Variants in TMIGD3 observed in about 807,000 individuals in gnomAD.
TMIGD3 encodes the protein transmembrane and immunoglobulin domain containing 3, also known as AD026 protein (AD026).
In TMIGD3, 21 loss-of-function variants were observed where a neutral mutation model predicts 28.1. That is an observed-to-expected ratio of 0.75 (90% CI 0.53 to 1.08). The LOEUF (loss-of-function observed/expected upper bound fraction) is 1.08. Among genes scored for constraint, TMIGD3 ranks in the 50% least tolerant of loss-of-function variants. TMIGD3 has a pLI of 0.00. For missense variants in TMIGD3, 416 were observed against 435.6 expected (o/e 0.96, Z 0.40); for synonymous variants, 151 against 162.1 (o/e 0.93, Z 0.52).
intron 1 of TMIGD3, among the ~76,000 whole-genome samples, chr1:111,497,465 A>G (rs2100972380): frequency 6.6e-6 from 1 of 152,246 alleles, no homozygotes; most frequent in East Asian, 1.9e-4. Flanking sequence ...CCTTCTAACC[A>G]AGCTCCTCAC....
intron 1 of TMIGD3, among the ~76,000 whole-genome samples, chr1:111,519,169 C>T (rs1655969606): frequency 1.3e-5 from 2 of 152,140 alleles, no homozygotes; most frequent in South Asian, 4.1e-4. Context: ...AAACTCCCGA[C>T]CTCAGGTGAT....
At chr1:111,493,034 TG>T (rs1361497157) in intron 1 of TMIGD3, among the ~76,000 whole-genome samples, 1 of 152,152 alleles carries the variant, frequency 6.6e-6, no homozygotes, top group East Asian at 1.9e-4. Flanking sequence ...ATGAAAAGTT[TG>T]TAGATGAAAT....
At chr1:111,499,787 T>C in intron 1 of TMIGD3, 1 of 1,449,678 alleles carries the variant, frequency 6.9e-7, no homozygotes, top group Non-Finnish European at 9.0e-7. Flanking sequence ...AGGAAGAGAG[T>C]AGTGGAGTGG....
intron 1 of TMIGD3, among the ~76,000 whole-genome samples, chr1:111,518,651 A>G (rs1188983538): frequency 4.6e-5 from 7 of 152,248 alleles, no homozygotes; most frequent in African/African-American, 1.7e-4. Context: ...AATCTGAACC[A>G]AGCTTTGCCT....
rs564619243 is a variant in TMIGD3, at chr1:111,490,315, G to A, written c.457+341C>T. On this transcript the variant is annotated intron_variant, in intron 2 of 5. Coordinates refer to ENST00000369716, the MANE Select transcript of TMIGD3 (RefSeq NM_020683.7). ...TATTTTATTCCAGTGGAGATGCTGG[G>A]GAAAAATATGGAATGCGTAATGAAT... The A allele has an allele frequency of 1.4e-5, 3 of 220,410 alleles. No individual in the cohort carries two copies. The East Asian group carries it at 3.2e-4, about 24-fold the overall frequency. 13.7% of individuals were successfully genotyped at this position (220,410 alleles called of 1,614,324 possible).
At chr1:111,534,427 C>A (rs1320291111) in intron 1 of TMIGD3, among the ~76,000 whole-genome samples, 1 of 152,196 alleles carries the variant, frequency 6.6e-6, no homozygotes, top group Admixed American at 6.5e-5. Flanking sequence ...TTGCTTTTGT[C>A]TATGCTGAGC....
intron 1 of TMIGD3, among the ~76,000 whole-genome samples, chr1:111,550,040 TTGAG>T (rs1657199003): frequency 6.6e-6 from 1 of 152,214 alleles, no homozygotes; most frequent in Non-Finnish European, 1.5e-5. Flanking sequence ...CTAGTCTTTC[TTGAG>T]TGAGTTTTAG....
intron 1 of TMIGD3, 38 bp from the exon 2 acceptor site, chr1:111,490,800 G>T (rs1432272728): frequency 6.7e-7 from 1 of 1,499,190 alleles, no homozygotes; most frequent in South Asian, 1.1e-5. Flanking sequence ...GCTTAATATG[G>T]CTTTATCCTG....
At chr1:111,545,844 T>C (rs1465508245) in intron 1 of TMIGD3, among the ~76,000 whole-genome samples, 4 of 152,164 alleles carry the variant, frequency 2.6e-5, no homozygotes, top group South Asian at 2.1e-4. Context: ...TATGTAGATA[T>C]TCAGTTGTCC....
rs1177757732 is a variant in TMIGD3, at chr1:111,488,807, C to G, written c.675G>C (p.Leu225=). 3.7e-6 allele frequency: 6 copies of G among 1,614,196 alleles called. No homozygotes were observed. Among genetic ancestry groups the G allele is most frequent in the Non-Finnish European group, 5.1e-6 (6 of 1,180,028 alleles). Residue 225 remains leucine (L), a synonymous_variant, in exon 3 of 6, where the codon CTG becomes CTC. Transcript: ENST00000369716. Reference sequence around the variant, plus strand: ...AGTACCAGCCCGTGTCCTCTTTGGTCAGGCAGGACATAGTGACAATGAGCT... The same window carrying G: ...AGTACCAGCCCGTGTCCTCTTTGGTGAGGCAGGACATAGTGACAATGAGCT... The part of the protein sequence containing the change: ...GNQLIVTMSC[L]TKEDTGWYWC...
At chr1:111,520,746 A>C (rs1656030040) in intron 1 of TMIGD3, among the ~76,000 whole-genome samples, 1 of 152,240 alleles carries the variant, frequency 6.6e-6, no homozygotes, top group Non-Finnish European at 1.5e-5. Context: ...ATGTCAGACT[A>C]CATTGTACAT....
In TMIGD3 at chr1:111,547,352, AT is replaced by A. The variant is rs746696530; in HGVS notation, c.107+16493del. Reference sequence around the variant, plus strand: ...TTTTTCTGTATCTATTGAGATGATGATTTTTTTCCCTTTATCCTATTAATAT... The same window carrying A: ...TTTTTCTGTATCTATTGAGATGATGATTTTTTCCCTTTATCCTATTAATAT... On this transcript the variant is annotated intron_variant, in intron 1 of 5. Coordinates refer to the TMIGD3 transcript ENST00000369717. 4.0e-5 allele frequency among the ~76,000 whole-genome samples: 6 copies of A among 151,836 alleles called. 1 individual carries two copies. Among genetic ancestry groups the A allele is most frequent in the South Asian group, 4.2e-4 (2 of 4,816 alleles).
intron 1 of TMIGD3, among the ~76,000 whole-genome samples, chr1:111,519,698 CT>C (rs796777575): frequency 0.016 from 2,214 of 142,076 alleles, 38 homozygotes; most frequent in African/African-American, 0.045. Context: ...CTTTTCTCTT[CT>C]TTTTTTTTTT....
At chr1:111,536,454 A>C (rs1195332478) in intron 1 of TMIGD3, among the ~76,000 whole-genome samples, 1 of 152,116 alleles carries the variant, frequency 6.6e-6, no homozygotes, top group African/African-American at 2.4e-5. Context: ...CATTTCCCTT[A>C]CTTACTTGCA....
At chr1:111,504,497 T>C (rs1427951459), upstream of TMIGD3, among the ~76,000 whole-genome samples, 4 of 152,192 alleles carry the variant, frequency 2.6e-5, no homozygotes, top group Non-Finnish European at 1.5e-5. Context: ...TTGCACGCCA[T>C]TGTTATTTGG....
chr1:111,525,650 G>A (rs1656238273), intron 1 of TMIGD3, among the ~76,000 whole-genome samples: 2 of 152,296 alleles, frequency 1.3e-5, no homozygotes, highest in South Asian at 4.1e-4. Flanking sequence ...ATCATTTGAG[G>A]TCAGGAGTTT....
chr1:111,495,558 C>T (rs1010371033), intron 1 of TMIGD3, among the ~76,000 whole-genome samples: 1 of 152,100 alleles, frequency 6.6e-6, no homozygotes, highest in African/African-American at 2.4e-5. Flanking sequence ...GAACCAATTA[C>T]TAAATAAAAT....
At chr1:111,490,175 A>C (rs1382127133) in intron 2 of TMIGD3, 1 of 155,396 alleles carries the variant, frequency 6.4e-6, no homozygotes, top group Non-Finnish European at 1.4e-5. Flanking sequence ...TTTGGGGTCA[A>C]GCACAAGTGG....
At chr1:111,558,801 G>A (rs559315118) in intron 1 of TMIGD3, among the ~76,000 whole-genome samples, 1 of 152,208 alleles carries the variant, frequency 6.6e-6, no homozygotes. Context: ...CACCACCATT[G>A]TGACAGATTC....
Sources: gnomAD v4.1 joint callset for allele counts (sites outside exome capture counted in the v4.1 genomes callset) on GRCh38, gnomAD v4.1.1 for gene constraint, MANE v1.5 for transcripts, NCBI Gene and HGNC (gene_info 2026-07-23, HGNC 2026-07-21) for gene names.